PEAK1: variants seen among roughly 807,000 people sequenced by gnomAD.
PEAK1 encodes pseudopodium enriched atypical kinase 1.
A neutral mutation model predicts 124.7 loss-of-function variants in PEAK1; 54 were observed. That is an observed-to-expected ratio of 0.43 (90% confidence interval 0.35 to 0.54). The LOEUF (loss-of-function observed/expected upper bound fraction) is 0.54. PEAK1 is among the 20% of genes least tolerant of loss of function. The pLI, the probability that PEAK1 is intolerant of heterozygous loss-of-function variation, is 0.01. For synonymous variants in PEAK1, 719 were observed against 760.0 expected (o/e 0.95, Z 0.89); for missense variants, 2,046 against 2,134.5 (o/e 0.96, Z 0.82).
At chr15:77,407,990 T>C (rs1265354075) in intron 1 of PEAK1, among the ~76,000 whole-genome samples, 1 of 150,712 alleles carries the variant, frequency 6.6e-6, no homozygotes, top group Non-Finnish European at 1.5e-5. Context: ...TATACATATA[T>C]ACACATACAC....
intron 8 of PEAK1, among the ~76,000 whole-genome samples, chr15:77,151,517 A>G (rs2054622601): frequency 6.6e-6 from 1 of 152,180 alleles, no homozygotes; most frequent in Admixed American, 6.6e-5. Flanking sequence ...TAGTTTAATT[A>G]GATCCCATTT....
At chr15:77,345,133 C>T (rs1567286991) in intron 2 of PEAK1, among the ~76,000 whole-genome samples, 1 of 152,138 alleles carries the variant, frequency 6.6e-6, no homozygotes, top group Admixed American at 6.6e-5. Context: ...AGAGCAAAAC[C>T]TTACAGTTTT....
Position 77,354,151 on chromosome 15 carries a change from T to C in PEAK1, c.-603+11012A>G, listed in dbSNP as rs1217173465. Reference sequence around the variant, plus strand: ...AGATCTGTACATCTCCACTCAACTATCTCAGAGAAACATCAAACTAAATAT... The same window carrying C: ...AGATCTGTACATCTCCACTCAACTACCTCAGAGAAACATCAAACTAAATAT... On this transcript the variant is annotated intron_variant, in intron 2 of 9. Transcript: ENST00000682557. Among the ~76,000 whole-genome samples the C allele has an allele frequency of 3.3e-5, 5 of 152,138 alleles. 1 individual carries two copies. The South Asian group carries it at 6.2e-4, about 19-fold the overall frequency.
intron 2 of PEAK1, among the ~76,000 whole-genome samples, chr15:77,316,615 C>G (rs12594505): frequency 0.16 from 24,448 of 152,184 alleles, 2,989 homozygotes; most frequent in East Asian, 0.55. Context: ...ATGTAAGCTT[C>G]ATATATTATT....
intron 2 of PEAK1, among the ~76,000 whole-genome samples, chr15:77,287,324 T>G (rs769075190): frequency 1.4e-4 from 22 of 152,214 alleles, no homozygotes; most frequent in African/African-American, 1.9e-4. Context: ...AATTAAAAAA[T>G]ATTTGTCAAG....
Position 77,112,562 on chromosome 15 carries a change from C to G in PEAK1, c.*1594G>C, listed in dbSNP as rs758724417. The stretch of plus-strand genomic sequence containing the variant: ...ACGCACACATGGGCACACAAGTGTA[C>G]ACACACATTGTTCGAGTGACTCTTG... On this transcript the variant is annotated 3_prime_UTR_variant, in exon 10 of 10. Transcript: ENST00000682557. 1.3e-5 allele frequency: 2 copies of G among 152,208 alleles called. No homozygotes were observed. The highest frequency in any genetic ancestry group is 2.9e-5 in the Non-Finnish European group (2 of 68,052). 9.4% of individuals were successfully genotyped at this position (152,208 alleles called of 1,614,324 possible). A position where few individuals can be genotyped will look rare whatever the true frequency, so the allele number is the denominator to read the frequency against.
intron 6 of PEAK1, among the ~76,000 whole-genome samples, chr15:77,213,317 C>A (rs913488311): frequency 4.1e-4 from 62 of 152,166 alleles, no homozygotes; most frequent in African/African-American, 1.3e-3. Flanking sequence ...ATAATTAGGA[C>A]CCTAAGATTT....
At chr15:77,407,212 A>T (rs2071901814) in intron 1 of PEAK1, among the ~76,000 whole-genome samples, 1 of 152,210 alleles carries the variant, frequency 6.6e-6, no homozygotes, top group Admixed American at 6.6e-5. Context: ...TGGCTTAGGC[A>T]AAGACTTCAT....
intron 6 of PEAK1, among the ~76,000 whole-genome samples, chr15:77,185,671 T>C (rs933651276): frequency 6.6e-6 from 1 of 152,028 alleles, no homozygotes; most frequent in Admixed American, 6.6e-5. Flanking sequence ...GTAGATAACT[T>C]TTGGAGAAGA....
chr15:77,417,897 T>C, intron 1 of PEAK1: 1 of 984,140 alleles, frequency 1.0e-6, no homozygotes, highest in South Asian at 4.7e-5. Context: ...GAAAAACATG[T>C]ATGCAAATAA....
chr15:77,161,491 C>T (rs1596407945), intron 7 of PEAK1, among the ~76,000 whole-genome samples: 1 of 152,306 alleles, frequency 6.6e-6, no homozygotes, highest in East Asian at 1.9e-4. Context: ...AAGTAATTGT[C>T]AACTCTAAAG....
intron 6 of PEAK1, among the ~76,000 whole-genome samples, chr15:77,207,708 A>T (rs1392026866): frequency 6.6e-6 from 1 of 152,160 alleles, no homozygotes; most frequent in Non-Finnish European, 1.5e-5. Flanking sequence ...AGCAGAGGGG[A>T]ATTTTAGGGC....
At chr15:77,146,852 T>C (rs1026297902) in intron 8 of PEAK1, among the ~76,000 whole-genome samples, 58 of 152,204 alleles carry the variant, frequency 3.8e-4, no homozygotes, top group African/African-American at 1.3e-3. Context: ...TTTAAAAAGC[T>C]GGCATTTATA....
At chr15:77,293,251 G>A (rs574233363) in intron 2 of PEAK1, among the ~76,000 whole-genome samples, 1 of 152,162 alleles carries the variant, frequency 6.6e-6, no homozygotes, top group East Asian at 1.9e-4. Flanking sequence ...CTCCAAAAAT[G>A]TTACTGCCAC....
At chr15:77,196,009 C>G (rs2058084832) in intron 6 of PEAK1, among the ~76,000 whole-genome samples, 1 of 152,232 alleles carries the variant, frequency 6.6e-6, no homozygotes, top group Non-Finnish European at 1.5e-5. Context: ...GTGAGCCTTG[C>G]TATCCCTGTA....
chr15:77,412,264 T>A (rs1223950462), intron 1 of PEAK1, among the ~76,000 whole-genome samples: 1 of 152,222 alleles, frequency 6.6e-6, no homozygotes, highest in East Asian at 1.9e-4. Flanking sequence ...GAACTCTAGA[T>A]TCCCATGTTC....
At position 77,147,248 on chromosome 15, in the gene PEAK1, G is replaced by A. The variant is rs185630278; in HGVS notation, c.3331+11255C>T. 8.5e-5 allele frequency among the ~76,000 whole-genome samples: 13 copies of A among 152,266 alleles called. No individual in the cohort carries two copies. In the East Asian group the frequency reaches 2.5e-3, roughly 29 times the overall value. On this transcript the variant is annotated intron_variant, in intron 8 of 9. Coordinates refer to ENST00000682557, the MANE Select transcript of PEAK1 (RefSeq NM_001385026.1). ...AGCAGAGCCAGATTTTCCTAATCTGGTAATCTTCTAAAGTCAAATCCAAAA... is the reference window on the plus strand; with the variant it reads ...AGCAGAGCCAGATTTTCCTAATCTGATAATCTTCTAAAGTCAAATCCAAAA...
intron 2 of PEAK1, among the ~76,000 whole-genome samples, chr15:77,364,744 A>G (rs570572846): frequency 6.6e-6 from 1 of 152,344 alleles, no homozygotes; most frequent in South Asian, 2.1e-4. Flanking sequence ...GAACTACAGA[A>G]AGTCATCAAG....
intron 2 of PEAK1, among the ~76,000 whole-genome samples, chr15:77,316,840 G>A (rs920573930): frequency 1.3e-5 from 2 of 152,166 alleles, no homozygotes; most frequent in African/African-American, 4.8e-5. Context: ...CACTTTGGGA[G>A]GCTGAGGCAG....
Sources: gnomAD v4.1 joint callset for allele counts (sites outside exome capture counted in the v4.1 genomes callset) on GRCh38, gnomAD v4.1.1 for gene constraint, MANE v1.5 for transcripts, NCBI Gene and HGNC (gene_info 2026-07-23, HGNC 2026-07-21) for gene names.